Variants in CACNA1S observed in about 807,000 individuals in gnomAD.
The protein encoded by CACNA1S is voltage-dependent L-type calcium channel subunit alpha-1S.
In CACNA1S, 126 loss-of-function variants were observed where a neutral mutation model predicts 207.4. The ratio of observed to expected loss-of-function variants is 0.61; its 90% CI spans 0.53 to 0.70. The LOEUF is 0.70. CACNA1S is among the 30% of genes least tolerant of loss of function. The pLI is 0.00. For synonymous variants in CACNA1S, 960 were observed against 932.7 expected (o/e 1.03, Z -0.53); for missense variants, 2,349 against 2,422.8 (o/e 0.97, Z 0.64).
Position 201,066,997 on chromosome 1 carries a change from G to A in CACNA1S, c.2551-4C>T. 6.2e-7 allele frequency: 1 copy of A among 1,602,938 alleles called. No homozygotes were observed. Among genetic ancestry groups the A allele is most frequent in the Non-Finnish European group, 8.5e-7 (1 of 1,170,090 alleles). On this transcript the variant is annotated splice_region_variant and splice_polypyrimidine_tract_variant and intron_variant, in intron 19 of 43. Transcript: ENST00000362061. The surrounding 1 kb of genome is among the most constrained non-coding windows in gnomAD (Gnocchi z 4.3). ...GGAAGGCTCCGTAGGTCGTCATCTG[G>A]GGAGAAAGAGGCAGCAGCCTGGATG...
chr1:201,057,832 G>A (rs565741048), intron 28 of CACNA1S, among the ~76,000 whole-genome samples: 69 of 152,168 alleles, frequency 4.5e-4, no homozygotes, highest in African/African-American at 1.5e-3. Context: ...AAAGAAGTAG[G>A]ACTCTAATCC....
At chr1:201,048,769 G>A in intron 35 of CACNA1S, 85 bp from the exon 36 acceptor site, 1 of 1,210,320 alleles carries the variant, frequency 8.3e-7, no homozygotes. Context: ...TGTGGACCGG[G>A]AGGGGACGGG....
chr1:201,044,577 C>T (rs759637865), intron 38 of CACNA1S, 121 bp from the exon 39 acceptor site: 1 of 1,116,414 alleles, frequency 9.0e-7, no homozygotes, highest in African/African-American at 1.6e-5. Flanking sequence ...GTGGCACAAT[C>T]TGAGCTCACT....
chr1:201,067,142 G>A, intron 19 of CACNA1S, 149 bp from the exon 20 acceptor site: 1 of 708,020 alleles, frequency 1.4e-6, no homozygotes, highest in Non-Finnish European at 2.6e-6. Context: ...ACTCCTTGCA[G>A]TGGCCTAAAT....
chr1:201,098,176 C>T (rs1024730813), intron 2 of CACNA1S, among the ~76,000 whole-genome samples: 2 of 152,246 alleles, frequency 1.3e-5, no homozygotes, highest in African/African-American at 4.8e-5. Flanking sequence ...GCTGTGTCAA[C>T]TGCATCTAGA....
chr1:201,056,912 T>C (rs1278944599), intron 28 of CACNA1S, among the ~76,000 whole-genome samples: 3 of 152,108 alleles, frequency 2.0e-5, no homozygotes, highest in African/African-American at 7.2e-5. Context: ...ACCTTCAAAA[T>C]AGATCCAGAC....
At chr1:201,067,083 G>A in intron 19 of CACNA1S, 90 bp from the exon 20 acceptor site, 1 of 832,932 alleles carries the variant, frequency 1.2e-6, no homozygotes, top group Non-Finnish European at 2.1e-6. Flanking sequence ...CTGCTCAGGA[G>A]AGCACTTACT....
intron 1 of CACNA1S, among the ~76,000 whole-genome samples, chr1:201,110,597 C>G (rs1273489944): frequency 6.6e-6 from 1 of 152,232 alleles, no homozygotes; most frequent in East Asian, 1.9e-4. Flanking sequence ...CAGCGCCTGT[C>G]CATGCCCTTG....
rs1464200110 is a variant in CACNA1S at position 201,040,386 on chromosome 1, G to A, written c.5227-12C>T. 1.2e-6 allele frequency: 2 copies of A among 1,612,530 alleles called. No individual in the cohort carries two copies. The highest frequency in any genetic ancestry group is 1.7e-6 in the Non-Finnish European group (2 of 1,179,924). ...TCCACCCTGGGGCACTGTTCCAAAG[G>A]TACAAAAGCAAAGACCCCGACAGGG... On this transcript the variant is annotated splice_polypyrimidine_tract_variant and intron_variant, in intron 42 of 43. Transcript: ENST00000362061.
Position 201,091,983 on chromosome 1 carries a change from G to T in CACNA1S, c.530C>A (p.Ser177Ter), listed in dbSNP as rs141204958. ...ACACTGCCACCCACTAGGCACCCCC[G>T]ACACCAGCCGGAGGGGTCTGAGCAC... ...FRVLRPLRLV[S>*]GVPSLQVVLN... Residue 177 changes from serine (S) to a stop codon, truncating the protein, a stop_gained, in exon 4 of 44, where the codon TCG becomes TAG. Transcript: ENST00000362061. LOFTEE classifies it high-confidence loss of function. The T allele has an allele frequency of 6.2e-6, 10 of 1,614,112 alleles. No homozygotes were observed. The highest frequency in any genetic ancestry group is 7.6e-6 in the Non-Finnish European group (9 of 1,179,988).
At chr1:201,105,466 G>C (rs913388524) in intron 2 of CACNA1S, among the ~76,000 whole-genome samples, 2 of 152,316 alleles carry the variant, frequency 1.3e-5, no homozygotes, top group Non-Finnish European at 2.9e-5. Flanking sequence ...AGATCACACA[G>C]CTAGTAGGTG....
In CACNA1S at chr1:201,062,365, C is replaced by T. The variant is rs576279824; in HGVS notation, c.2906+97G>A. 2.6e-5 allele frequency: 33 copies of T among 1,268,538 alleles called. 1 individual carries two copies. The East Asian group carries it at 5.1e-4, about 19-fold the overall frequency. The allele number at this position is 1,268,538 out of a possible 1,614,324, so 78.6% of individuals were successfully genotyped here. A position where few individuals can be genotyped will look rare whatever the true frequency, so the allele number is the denominator to read the frequency against. ...GATCGTCCTGCCACACTCCCTGCCC[C>T]GTGACCGTAACCCTCCCACAGTGCT... On this transcript the variant is annotated intron_variant, in intron 23 of 43. Coordinates refer to ENST00000362061, the MANE Select transcript of CACNA1S (RefSeq NM_000069.3).
rs548995177 is a variant in CACNA1S at position 201,060,511 on chromosome 1, C to T, written c.3414+147G>A. On this transcript the variant is annotated intron_variant, in intron 26 of 43. Coordinates refer to ENST00000362061, the MANE Select transcript of CACNA1S (RefSeq NM_000069.3). ...GGTGACAAGGCCTGTGCGCAGTTCA[C>T]TTCTGTATTCCATGTAGCACCTCAG... 2.2e-5 allele frequency: 18 copies of T among 831,392 alleles called. No homozygotes were observed. In the South Asian group the frequency reaches 2.2e-4, roughly 10 times the overall value. The allele number at this position is 831,392 out of a possible 1,614,324, so 51.5% of individuals were successfully genotyped here.
chr1:201,110,105 G>A lies in CACNA1S; in HGVS notation c.258+59C>T, dbSNP rs980651069. On this transcript the variant is annotated intron_variant, in intron 2 of 43. Transcript: ENST00000362061. ...CCCCAGAACAGAGTCCACCAAGGGG[G>A]CCTCCCCAAGCCTGGGGCTGCAGGC... The A allele has an allele frequency of 2.5e-5, 37 of 1,463,312 alleles. No homozygotes were observed. The African/African-American group carries it at 3.3e-4, about 13-fold the overall frequency. 90.6% of individuals were successfully genotyped at this position (1,463,312 alleles called of 1,614,324 possible).
rs774035496 is a variant in CACNA1S, at chr1:201,093,977, G to T, written c.303C>A (p.Ala101=). ...YFFLIVFSIE[A]AMKIIAYGFL... ...AGCCGTAGGCAATGATCTTCATGGC[G>T]GCTTCAATCGAGAAGACAATGAGGA... Residue 101 remains alanine, a synonymous_variant, in exon 3 of 44, where the codon GCC becomes GCA. Transcript: ENST00000362061. 1 of 1,614,096 alleles carries T rather than the reference G, an allele frequency of 6.2e-7. No individual in the cohort carries two copies. Among genetic ancestry groups the T allele is most frequent in the African/African-American group, 1.3e-5 (1 of 74,928 alleles).
rs371582901 is a variant in CACNA1S, at chr1:201,053,227, G to A, written c.3843C>T (p.Tyr1281=). ...ALLIVMLFFI[Y]AVIGMQMFGK... ...CTCTCACCTGCATGCCGATGACAGC[G>A]TAGATGAAGAAGAGCATGACGATGA... The change falls in exon 31 of 44, where the codon TAC becomes TAT. Residue 1281 remains tyrosine (Y), a synonymous_variant. Coordinates refer to ENST00000362061, the MANE Select transcript of CACNA1S (RefSeq NM_000069.3). The surrounding 1 kb of genome is among the most constrained non-coding windows in gnomAD (Gnocchi z 5.1). 3.2e-5 allele frequency: 51 copies of A among 1,614,110 alleles called. No individual in the cohort carries two copies. In the Admixed American group the frequency reaches 3.3e-4, roughly 11 times the overall value.
intron 7 of CACNA1S, 115 bp from the exon 8 acceptor site, chr1:201,085,696 G>A: frequency 7.9e-7 from 1 of 1,261,686 alleles, no homozygotes; most frequent in Non-Finnish European, 1.1e-6. Flanking sequence ...TCCTTTTTCT[G>A]GCCCCGGGGT....
At chr1:201,058,612 G>T (rs1387381938) in intron 27 of CACNA1S, 121 bp from the exon 28 acceptor site, 1 of 765,174 alleles carries the variant, frequency 1.3e-6, no homozygotes, top group African/African-American at 1.7e-5. Context: ...GCCAAGGTGG[G>T]GTGCCCATGA....
chr1:201,092,279 T>C (rs982636043), intron 3 of CACNA1S, among the ~76,000 whole-genome samples, 165 bp from the exon 4 acceptor site: 1 of 152,090 alleles, frequency 6.6e-6, no homozygotes. Context: ...ATCATGCTTA[T>C]CTGGGGAATT....
Sources: allele counts gnomAD v4.1 joint callset (sites outside exome capture counted in the v4.1 genomes callset), GRCh38; gene constraint gnomAD v4.1.1; non-coding constraint Gnocchi (gnomAD v3.1); transcripts MANE v1.5; gene names NCBI Gene and HGNC (gene_info 2026-07-23, HGNC 2026-07-21).